PTPN21: variants seen among roughly 807,000 people sequenced by gnomAD.
PTPN21 encodes the protein protein tyrosine phosphatase non-receptor type 21.
Under a neutral mutation model 131.8 loss-of-function variants are expected in PTPN21, and 77 were observed. That is an observed-to-expected ratio of 0.58 (90% confidence interval 0.49 to 0.71). The LOEUF is 0.71. Ranked by LOEUF, PTPN21 falls within the 30% of genes least tolerant of loss-of-function variation. The pLI is 0.00. For synonymous variants in PTPN21, 715 were observed against 621.3 expected (o/e 1.15, Z -2.24); for missense variants, 1,552 against 1,527.1 (o/e 1.02, Z -0.27).
At chr14:88,534,452 T>C (rs191836411) in intron 2 of PTPN21, among the ~76,000 whole-genome samples, 1 of 151,092 alleles carries the variant, frequency 6.6e-6, no homozygotes, top group Non-Finnish European at 1.5e-5. Flanking sequence ...GCTTATAGGG[T>C]AAGGATATAG....
rs1276502064 is a variant in PTPN21, at chr14:88,504,489, AC to A, written c.522del (p.Trp174CysfsTer38). 1 of 1,612,476 alleles carries A rather than the reference AC, an allele frequency of 6.2e-7. No individual in the cohort carries two copies. Among genetic ancestry groups the A allele is most frequent in the Non-Finnish European group, 8.5e-7 (1 of 1,178,576 alleles). ...LQKFALFPVG[W>X]LQDEKVLEEA... ...TCTTCCAATACTTTTTCATCTTGTA[AC>A]CATCCCTGAAGAAAACACACAGTGG... On this transcript the variant is annotated frameshift_variant, in exon 6 of 19. Transcript: ENST00000556564. LOFTEE classifies it high-confidence loss of function.
At chr14:88,483,278 G>C (rs888833385) in intron 12 of PTPN21, among the ~76,000 whole-genome samples, 4 of 151,894 alleles carry the variant, frequency 2.6e-5, no homozygotes, top group Non-Finnish European at 5.9e-5. Flanking sequence ...CTTAAAGGGA[G>C]GAGAATGAAC....
In PTPN21 at chr14:88,469,163, TAA is replaced by T; in HGVS notation, c.3236-89_3236-88del. ...CAATCTTCATATTCTCTCCACTGAT[TAA>T]GAGGACTGCAGATAAAGAGCACTGG... On this transcript the variant is annotated intron_variant, in intron 17 of 18. Transcript: ENST00000556564. This position sits in a 1 kb window ranked among gnomAD's most constrained non-coding sequence, Gnocchi z 4.3. 1 of 1,401,692 alleles carries T rather than the reference TAA, an allele frequency of 7.1e-7. No individual in the cohort carries two copies. Among genetic ancestry groups the T allele is most frequent in the East Asian group, 2.4e-5 (1 of 41,820 alleles). The allele number at this position is 1,401,692 out of a possible 1,614,324, so 86.8% of individuals were successfully genotyped here. A position where few individuals can be genotyped will look rare whatever the true frequency, so the allele number is the denominator to read the frequency against.
chr14:88,468,314 C>A, intron 18 of PTPN21, 49 bp from the exon 19 acceptor site: 1 of 1,506,856 alleles, frequency 6.6e-7, no homozygotes, highest in East Asian at 2.3e-5. Flanking sequence ...CCTGGGGAGA[C>A]AGAAAGGATG....
intron 1 of PTPN21, chr14:88,551,830 C>T (rs977504769): frequency 6.6e-6 from 1 of 152,314 alleles, no homozygotes; most frequent in Non-Finnish European, 1.5e-5. Flanking sequence ...GTGCGCGCCA[C>T]CAAGCCGGGC....
intron 13 of PTPN21, among the ~76,000 whole-genome samples, chr14:88,475,367 A>G (rs2140090585): frequency 6.6e-6 from 1 of 152,324 alleles, no homozygotes; most frequent in East Asian, 1.9e-4. Flanking sequence ...AGCTAAGTGG[A>G]TTAATTTTTA....
At chr14:88,516,095 G>A (rs546363011) in intron 3 of PTPN21, among the ~76,000 whole-genome samples, 2 of 152,278 alleles carry the variant, frequency 1.3e-5, no homozygotes, top group East Asian at 3.9e-4. Flanking sequence ...ATATCATTAA[G>A]TAAAGCTAAA....
At chr14:88,493,003 G>A (rs1339207939) in intron 10 of PTPN21, 1 of 433,984 alleles carries the variant, frequency 2.3e-6, no homozygotes, top group South Asian at 1.7e-5. Flanking sequence ...AAGCAGGCAG[G>A]AACTACTCTA....
At chr14:88,468,820 G>T (rs1050046395) in intron 18 of PTPN21, 96 bp downstream of exon 18, 3 of 1,509,500 alleles carry the variant, frequency 2.0e-6, no homozygotes, top group African/African-American at 2.7e-5. Flanking sequence ...ACAGTCCAAG[G>T]AAATGTGCGC....
At position 88,478,937 on chromosome 14, in the gene PTPN21, C is replaced by T. The variant is rs775554025; in HGVS notation, c.2494G>A (p.Gly832Arg). The T allele has an allele frequency of 3.3e-6, 5 of 1,510,616 alleles. No homozygotes were observed. The highest frequency in any genetic ancestry group is 2.1e-5 in the Admixed American group (1 of 48,510). 93.6% of individuals were successfully genotyped at this position (1,510,616 alleles called of 1,614,324 possible). The change falls in exon 13 of 19, where the codon GGG becomes AGG. Residue 832 changes from glycine (G) to arginine (R), a missense_variant. By Grantham distance (125) the Gly-to-Arg change is moderately radical. Around this residue, in one of 4 missense-constraint regions of PTPN21, gnomAD observed 1,016 missense variants for 883.5 expected, o/e 1.15. Transcript: ENST00000556564. ...TGGCTTACCCCTAGAGGCGGGAGCC[C>T]TTCCACGATGTTCTTCTTCCCAGAG... The part of the protein sequence containing the change: ...LLSGKKNIVE[G>R]LPPLGGMKKT...
At chr14:88,550,133 C>A in intron 2 of PTPN21, 105 bp downstream of exon 2, 3 of 1,213,404 alleles carry the variant, frequency 2.5e-6, no homozygotes, top group East Asian at 2.4e-5. Flanking sequence ...AGGCTAGGCT[C>A]GAACTCCTGA....
intron 12 of PTPN21, among the ~76,000 whole-genome samples, chr14:88,484,827 G>C (rs1278153515): frequency 1.3e-5 from 2 of 152,102 alleles, no homozygotes; most frequent in Non-Finnish European, 2.9e-5. Context: ...GGTGGATGTT[G>C]CAGTGAGCTG....
intron 13 of PTPN21, 25 bp downstream of exon 13, chr14:88,478,895 C>T (rs765234613): frequency 4.2e-6 from 6 of 1,437,548 alleles, no homozygotes; most frequent in African/African-American, 1.5e-5. Flanking sequence ...TCCCCTGGCC[C>T]GGCACTGCTC....
rs567447349 is a variant in PTPN21 at position 88,541,890 on chromosome 14, A to T, written c.180+8348T>A. 1.6e-3 allele frequency among the ~76,000 whole-genome samples: 247 copies of T among 152,300 alleles called. 1 individual carries two copies. Among genetic ancestry groups the T allele is most frequent in the African/African-American group, 5.4e-3 (225 of 41,558 alleles). ...CAGGGAAGAAAGATCCTGCTCTGTG[A>T]CAAGGGGAGAAAAAGGGAAAGACTG... On this transcript the variant is annotated intron_variant, in intron 2 of 18. Coordinates refer to ENST00000556564, the MANE Select transcript of PTPN21 (RefSeq NM_007039.4).
At chr14:88,528,225 A>G (rs2078508841) in intron 2 of PTPN21, among the ~76,000 whole-genome samples, 1 of 152,154 alleles carries the variant, frequency 6.6e-6, no homozygotes, top group South Asian at 2.1e-4. Flanking sequence ...TTGAATTTAT[A>G]TATTGCTTTT....
chr14:88,512,818 C>T (rs1401099125), intron 3 of PTPN21, among the ~76,000 whole-genome samples: 2 of 152,174 alleles, frequency 1.3e-5, no homozygotes, highest in African/African-American at 2.4e-5. Context: ...TGCTTTGATA[C>T]AAGTTCATTT....
intron 3 of PTPN21, 134 bp from the exon 4 acceptor site, chr14:88,508,154 T>G (rs60357650): frequency 0.29 from 141,433 of 484,886 alleles, 16,763 homozygotes; most frequent in African/African-American, 0.44. Context: ...GTGTGTGTTT[T>G]TTTTTTTTTT....
chr14:88,511,973 C>T (rs1555387304), intron 3 of PTPN21, among the ~76,000 whole-genome samples: 1 of 152,092 alleles, frequency 6.6e-6, no homozygotes, highest in Non-Finnish European at 1.5e-5. Context: ...TTTTCTTCAT[C>T]TGTTTTTCTT....
In PTPN21 at chr14:88,554,701, G is replaced by C. The variant is rs1284267802; in HGVS notation, c.-253C>G. On this transcript the variant is annotated 5_prime_UTR_variant, in exon 1 of 19. Coordinates refer to ENST00000556564, the MANE Select transcript of PTPN21 (RefSeq NM_007039.4). Reference sequence around the variant, plus strand: ...CTCGGGGCCGCGCGCCCCGCTCAGCGACCCGCCTCCCGGGGCCCCGCCGCG... The same window carrying C: ...CTCGGGGCCGCGCGCCCCGCTCAGCCACCCGCCTCCCGGGGCCCCGCCGCG... The C allele has an allele frequency of 5.4e-5, 8 of 147,670 alleles. No individual in the cohort carries two copies. 9.1% of individuals were successfully genotyped at this position (147,670 alleles called of 1,614,324 possible). A position where few individuals can be genotyped will look rare whatever the true frequency, so the allele number is the denominator to read the frequency against.
Sources: allele counts gnomAD v4.1 joint callset (sites outside exome capture counted in the v4.1 genomes callset), GRCh38; gene constraint gnomAD v4.1.1; regional missense constraint gnomAD v4.1.1; non-coding constraint Gnocchi (gnomAD v3.1); transcripts MANE v1.5; gene names NCBI Gene and HGNC (gene_info 2026-07-23, HGNC 2026-07-21).